Variants in CLEC18A observed in about 807,000 individuals in gnomAD.
CLEC18A encodes C-type lectin domain family 18 member A, also known as mannose receptor-like 1.
In CLEC18A, 5 loss-of-function variants were observed where a neutral mutation model predicts 24.0. The ratio of observed to expected loss-of-function variants is 0.21; its 90% CI spans 0.11 to 0.44. The LOEUF (loss-of-function observed/expected upper bound fraction) is 0.44, where lower values mean the gene tolerates loss of function less well. Ranked by LOEUF, CLEC18A falls within the 20% of genes least tolerant of loss-of-function variation. The pLI is 0.99. For missense variants in CLEC18A, 83 were observed against 233.4 expected (o/e 0.36, Z 4.20); for synonymous variants, 29 against 100.1 (o/e 0.29, Z 4.24).
chr16:69,956,736 GTTTTGT>G (rs1167588208), intron 3 of CLEC18A, among the ~76,000 whole-genome samples: 14 of 115,394 alleles, frequency 1.2e-4, no homozygotes, highest in East Asian at 2.9e-4. Context: ...TTTTTTGTTT[GTTTTGT>G]TTTTGTTTTT....
the CLEC18A span, among the ~76,000 whole-genome samples, chr16:69,944,251 G>T: frequency 8.4e-6 from 1 of 118,384 alleles, no homozygotes; most frequent in African/African-American, 2.6e-5. Context: ...AGCCAAAACC[G>T]CACCACTGCA....
intron 2 of CLEC18A, chr16:69,952,620 A>T: frequency 6.7e-6 from 1 of 148,950 alleles, no homozygotes; most frequent in African/African-American, 2.5e-5. Context: ...ACTCGTCCAC[A>T]TTTTCCACAT....
chr16:69,945,998 C>T (rs2058909667), upstream of CLEC18A, among the ~76,000 whole-genome samples: 3 of 147,928 alleles, frequency 2.0e-5, no homozygotes, highest in South Asian at 6.7e-4. Flanking sequence ...GAGGCTGAGG[C>T]AGGAGAATCA....
chr16:69,945,883 A>G (rs1358491708), upstream of CLEC18A, among the ~76,000 whole-genome samples: 1 of 151,852 alleles, frequency 6.6e-6, no homozygotes, highest in Non-Finnish European at 1.5e-5. Context: ...ACTTGAGGTC[A>G]GGAGTTCAAG....
intron 3 of CLEC18A, among the ~76,000 whole-genome samples, chr16:69,956,741 GTTT>G (rs1465240718): frequency 2.6e-5 from 3 of 117,206 alleles, no homozygotes; most frequent in African/African-American, 1.1e-4. Flanking sequence ...TGTTTGTTTT[GTTT>G]TTGTTTTTGT....
chr16:69,946,975 G>T (rs2058912552), upstream of CLEC18A, among the ~76,000 whole-genome samples: 2 of 97,694 alleles, frequency 2.0e-5, no homozygotes, highest in African/African-American at 9.7e-5. Flanking sequence ...ACAATGTTTA[G>T]TGGGACCAGT....
intron 10 of CLEC18A, 31 bp from the exon 11 acceptor site, chr16:69,962,945 T>C (rs1344873831): frequency 7.0e-7 from 1 of 1,427,858 alleles, no homozygotes; most frequent in South Asian, 1.2e-5. Flanking sequence ...ACTTCACTCT[T>C]GCCTCCTGAC....
chr16:69,964,946 T>A (rs1425761119), downstream of CLEC18A, among the ~76,000 whole-genome samples: 1 of 151,964 alleles, frequency 6.6e-6, no homozygotes, highest in African/African-American at 2.4e-5. Flanking sequence ...CAACCACAGG[T>A]CCGCACCACC....
At position 69,954,355 on chromosome 16, in the gene CLEC18A, C is replaced by T. The variant is rs1396846670; in HGVS notation, c.238C>T (p.Gln80Ter). The change falls in exon 3 of 12, where the codon CAG becomes TAG. Residue 80 changes from glutamine to a stop codon, truncating the protein, a stop_gained. Transcript: ENST00000288040. LOFTEE classifies it high-confidence loss of function. ...RRLDWSDSLA[Q>*]LAQARAALCG... is the part of the protein sequence containing the mutation. ...CCAGGACTGGAGTGACAGCCTGGCC[C>T]AGCTGGCTCAAGCCAGGGCAGCCCT... 1 of 1,591,114 alleles carries T rather than the reference C, an allele frequency of 6.3e-7. No homozygotes were observed. Among genetic ancestry groups the T allele is most frequent in the Non-Finnish European group, 8.6e-7 (1 of 1,165,472 alleles).
chr16:69,948,468 AC>A (rs2058915110), upstream of CLEC18A, among the ~76,000 whole-genome samples: 1 of 151,504 alleles, frequency 6.6e-6, no homozygotes, highest in African/African-American at 2.4e-5. Flanking sequence ...AGATAAAATG[AC>A]TCGAACGCTA....
At chr16:69,951,259 A>T, upstream of CLEC18A, 1 of 1,536,116 alleles carries the variant, frequency 6.5e-7, no homozygotes, top group Non-Finnish European at 8.8e-7. Context: ...TTTGTCCACC[A>T]GCCCAGCCTG....
chr16:69,963,100 T>G (rs1424281605), intron 11 of CLEC18A, 33 bp downstream of exon 11: 1 of 1,613,080 alleles, frequency 6.2e-7, no homozygotes, highest in Admixed American at 1.7e-5. Context: ...CCTTCTCTGA[T>G]CCCTGACCCT....
At chr16:69,951,743 A>AC (rs59927368) in intron 1 of CLEC18A, 22,963 of 254,022 alleles carry the variant, frequency 0.09, 6,174 homozygotes, top group African/African-American at 0.56. Flanking sequence ...GCCTGGAGAA[A>AC]TCCGTGGCCC....
the CLEC18A span, among the ~76,000 whole-genome samples, chr16:69,944,488 C>T: frequency 6.6e-6 from 1 of 151,768 alleles, no homozygotes; most frequent in Non-Finnish European, 1.5e-5. Flanking sequence ...ATGATTGCAC[C>T]TATGAATAGC....
chr16:69,965,212 C>T (rs1341297402), downstream of CLEC18A, among the ~76,000 whole-genome samples: 1 of 151,870 alleles, frequency 6.6e-6, no homozygotes, highest in Non-Finnish European at 1.5e-5. Flanking sequence ...CACACAGATG[C>T]CCCCAGCTCT....
intron 2 of CLEC18A, chr16:69,953,864 G>C (rs959603651): frequency 4.9e-4 from 128 of 259,572 alleles, no homozygotes; most frequent in Non-Finnish European, 1.9e-4. Flanking sequence ...AGCTGTGCGT[G>C]GTGGGGAGCA....
At chr16:69,946,446 G>A, upstream of CLEC18A, among the ~76,000 whole-genome samples, 1 of 129,330 alleles carries the variant, frequency 7.7e-6, no homozygotes, top group Non-Finnish European at 1.6e-5. Context: ...CGCCTAGTCT[G>A]GAGTGCAGTG....
chr16:69,964,649 G>A (rs1342669667), downstream of CLEC18A, among the ~76,000 whole-genome samples: 4 of 150,650 alleles, frequency 2.7e-5, no homozygotes, highest in Admixed American at 2.0e-4. Flanking sequence ...ACAGACGCCC[G>A]CCACCACGCC....
chr16:69,956,001 T>C (rs1250505862), intron 3 of CLEC18A, among the ~76,000 whole-genome samples: 1 of 152,068 alleles, frequency 6.6e-6, no homozygotes, highest in Non-Finnish European at 1.5e-5. Flanking sequence ...ATCCCAGCAC[T>C]TTGGGAGGCC....
Sources: gnomAD v4.1 joint callset for allele counts (sites outside exome capture counted in the v4.1 genomes callset) on GRCh38, gnomAD v4.1.1 for gene constraint, MANE v1.5 for transcripts, NCBI Gene and HGNC (gene_info 2026-07-23, HGNC 2026-07-21) for gene names.